Variants in ALMS1 observed in about 807,000 individuals in gnomAD.
ALMS1 encodes ALMS1 centrosome and basal body associated protein, also known as centrosome-associated protein ALMS1.
A neutral mutation model predicts 352.2 loss-of-function variants in ALMS1; 271 were observed. That is an observed-to-expected ratio of 0.77 (90% CI 0.70 to 0.85). ALMS1 has a LOEUF of 0.85. ALMS1 is among the 40% of genes least tolerant of loss of function. The pLI is 0.00. For missense variants in ALMS1, 5,445 were observed against 4,870.7 expected (o/e 1.12, Z -3.51); for synonymous variants, 1,865 against 1,761.2 (o/e 1.06, Z -1.48).
rs775883785 is a variant in ALMS1 at position 73,450,336 on chromosome 2, A to C, written c.3809A>C (p.Glu1270Ala). The C allele has an allele frequency of 2.5e-6, 4 of 1,612,466 alleles. No homozygotes were observed. In the South Asian group the frequency reaches 4.4e-5, roughly 18 times the overall value. The change falls in exon 8 of 23, where the codon GAA becomes GCA. Residue 1270 changes from glutamate (E) to alanine (A), a missense_variant. By Grantham distance (107) the Glu-to-Ala change is moderately radical (BLOSUM62 -1). Coordinates refer to ENST00000613296, the MANE Select transcript of ALMS1 (RefSeq NM_001378454.1). ...GCTCTGAAAATTTCAGTTGCCTCTG[A>C]ACCAGTTGACCAGACAACTGGCACA... is the stretch of plus-strand genomic sequence containing the variant. Reference protein sequence around the residue: ...EEALKISVASEPVDQTTGTPA... With the variant: ...EEALKISVASAPVDQTTGTPA...
Position 73,448,432 on chromosome 2 carries a change from G to C in ALMS1, c.1905G>C (p.Glu635Asp), listed in dbSNP as rs765860335. The part of the protein sequence containing the change: ...REKPGTFYQQ[E>D]LPESNLTEEP... ...AGCCTGGTACTTTTTACCAACAAGA[G>C]TTACCAGAGAGTAACTTAACCGAAG... Residue 635 changes from glutamate (E) to aspartate (D), a missense_variant, in exon 8 of 23, where the codon GAG (glutamate) becomes GAC (aspartate). Transcript: ENST00000613296. The C allele has an allele frequency of 7.4e-6, 12 of 1,613,760 alleles. No individual in the cohort carries two copies. The highest frequency in any genetic ancestry group is 1.0e-5 in the Non-Finnish European group (12 of 1,179,912).
intron 16 of ALMS1, among the ~76,000 whole-genome samples, chr2:73,581,019 G>A (rs965779085): frequency 1.3e-5 from 2 of 152,194 alleles, no homozygotes; most frequent in Admixed American, 6.5e-5. Context: ...TGAGCCTAAA[G>A]GTCAACCAGT....
chr2:73,493,206 A>G (rs751583257), intron 10 of ALMS1, among the ~76,000 whole-genome samples: 6 of 151,916 alleles, frequency 3.9e-5, no homozygotes, highest in Admixed American at 6.6e-5. Context: ...TCAGAAATAG[A>G]TATTATTACC....
chr2:73,564,652 T>C (rs1243362177), intron 15 of ALMS1, among the ~76,000 whole-genome samples: 4 of 152,166 alleles, frequency 2.6e-5, no homozygotes, highest in Admixed American at 6.5e-5. Context: ...TTCTGGACTT[T>C]CATACAAATG....
chr2:73,604,768 A>G (rs1205793078), intron 21 of ALMS1, among the ~76,000 whole-genome samples: 1 of 152,208 alleles, frequency 6.6e-6, no homozygotes, highest in African/African-American at 2.4e-5. Context: ...GAATGACACC[A>G]GGATGTTCTG....
At chr2:73,467,843 A>C (rs1270966322) in intron 9 of ALMS1, among the ~76,000 whole-genome samples, 5 of 152,136 alleles carry the variant, frequency 3.3e-5, no homozygotes. Context: ...ACAAAGAGTC[A>C]TACTGAATAA....
chr2:73,429,831 G>A (rs1306781560), intron 6 of ALMS1, among the ~76,000 whole-genome samples: 1 of 152,004 alleles, frequency 6.6e-6, no homozygotes, highest in African/African-American at 2.4e-5. Context: ...AATAACTCAT[G>A]TTTTTCCTAA....
chr2:73,449,035 A>G lies in ALMS1; in HGVS notation c.2508A>G (p.Lys836=). Residue 836 remains lysine, a synonymous_variant, in exon 8 of 23, where the codon AAA becomes AAG. Transcript: ENST00000613296. ...LDSHLPEEAL[K]VSAVSGPADG... ...GCCATCTACCCGAAGAGGCTCTGAAAGTTTCAGCTGTTTCTGGACCAGCTG... is the reference window on the plus strand; with the variant it reads ...GCCATCTACCCGAAGAGGCTCTGAAGGTTTCAGCTGTTTCTGGACCAGCTG... The G allele has an allele frequency of 6.2e-7, 1 of 1,614,036 alleles. No individual in the cohort carries two copies. The highest frequency in any genetic ancestry group is 8.5e-7 in the Non-Finnish European group (1 of 1,179,974).
chr2:73,525,011 C>T (rs1673760117), intron 11 of ALMS1, among the ~76,000 whole-genome samples: 1 of 152,158 alleles, frequency 6.6e-6, no homozygotes, highest in South Asian at 2.1e-4. Context: ...CTATGCCTGG[C>T]TTATTTCACT....
intron 11 of ALMS1, among the ~76,000 whole-genome samples, chr2:73,532,690 G>C (rs1294529074): frequency 6.6e-6 from 1 of 152,038 alleles, no homozygotes; most frequent in East Asian, 1.9e-4. Flanking sequence ...CCTGGAATCA[G>C]GAACTCCTGG....
chr2:73,551,417 GTTTCAATCTTTTTTTTTTTTTTTTT>G (rs962864978), intron 13 of ALMS1, among the ~76,000 whole-genome samples: 16 of 116,180 alleles, frequency 1.4e-4, no homozygotes, highest in African/African-American at 5.2e-4. Context: ...GGGTATTTGA[GTTTCAATCTTTTTTTTTTTTTTTTT>G]TTTTTTTTTT....
chr2:73,557,068 T>C, intron 13 of ALMS1, 152 bp from the exon 14 acceptor site: 1 of 998,544 alleles, frequency 1.0e-6, no homozygotes, highest in Non-Finnish European at 1.5e-6. Flanking sequence ...TCAATTCATG[T>C]CACAGTTTTT....
intron 11 of ALMS1, among the ~76,000 whole-genome samples, chr2:73,533,917 A>G (rs1411762834): frequency 6.6e-6 from 1 of 152,186 alleles, no homozygotes; most frequent in Non-Finnish European, 1.5e-5. Context: ...TCACTTTGTA[A>G]AAAGAATTTA....
chr2:73,460,519 G>A (rs1020718229), intron 9 of ALMS1, among the ~76,000 whole-genome samples: 37 of 152,324 alleles, frequency 2.4e-4, no homozygotes, highest in African/African-American at 8.9e-4. Context: ...GAGCAACGCA[G>A]AAGACTGGTG....
Position 73,385,946 on chromosome 2 carries a change from G to GGAC in ALMS1, c.80_81insCGA (p.Glu26_Glu27insAsp). 4.4e-6 allele frequency: 5 copies of GGAC among 1,133,374 alleles called. No individual in the cohort carries two copies. The highest frequency in any genetic ancestry group is 5.2e-6 in the Non-Finnish European group (4 of 774,844). 70.2% of individuals were successfully genotyped at this position (1,133,374 alleles called of 1,614,324 possible). ...AGGAGGAGGAGGAGGAGGAGGAAGAGGAGGAGGCTGCAGCGGCGGCGGCGG... is the reference window on the plus strand; with the variant it reads ...AGGAGGAGGAGGAGGAGGAGGAAGAGGACGAGGAGGCTGCAGCGGCGGCGGCGG... On this transcript the variant is annotated inframe_insertion, in exon 1 of 23. Transcript: ENST00000613296.
At chr2:73,535,805 G>A (rs1183038451) in intron 12 of ALMS1, among the ~76,000 whole-genome samples, 5 of 152,056 alleles carry the variant, frequency 3.3e-5, no homozygotes, top group Admixed American at 6.6e-5. Context: ...TTGAGTTGTC[G>A]ACGGGATATG....
chr2:73,523,440 A>G (rs1673725880), intron 11 of ALMS1, among the ~76,000 whole-genome samples: 1 of 152,142 alleles, frequency 6.6e-6, no homozygotes, highest in African/African-American at 2.4e-5. Flanking sequence ...TAGAGTTGCC[A>G]AAGATGGTGA....
At chr2:73,523,298 G>T (rs137868637) in intron 11 of ALMS1, among the ~76,000 whole-genome samples, 1 of 152,120 alleles carries the variant, frequency 6.6e-6, no homozygotes, top group African/African-American at 2.4e-5. Context: ...GGTCCATAAG[G>T]CATGGATAAG....
At chr2:73,542,070 C>G (rs909363004) in intron 12 of ALMS1, among the ~76,000 whole-genome samples, 50 of 152,114 alleles carry the variant, frequency 3.3e-4, no homozygotes, top group Non-Finnish European at 4.4e-4. Context: ...AACCAAAAAA[C>G]AGAATTTTAG....
Sources: gnomAD v4.1 joint callset for allele counts (sites outside exome capture counted in the v4.1 genomes callset) on GRCh38, gnomAD v4.1.1 for gene constraint, MANE v1.5 for transcripts, NCBI Gene and HGNC (gene_info 2026-07-23, HGNC 2026-07-21) for gene names.